Variants in RGS7 observed in about 807,000 individuals in gnomAD.
The protein encoded by RGS7 is regulator of G-protein signaling 7.
In RGS7, 27 loss-of-function variants were observed where a neutral mutation model predicts 81.1. The observed-to-expected ratio is 0.33, with a 90% confidence interval of 0.25 to 0.46. RGS7 has a LOEUF of 0.46. RGS7 is among the 20% of genes least tolerant of loss of function. The pLI, the probability that RGS7 is intolerant of heterozygous loss-of-function variation, is 1.00. For synonymous variants in RGS7, 208 were observed against 207.7 expected, an observed-to-expected ratio of 1.00 and a Z score of -0.01; for missense variants, 396 against 607.4, an observed-to-expected ratio of 0.65 and a Z score of 3.66.
At chr1:241,141,327 G>C (rs2067904927) in intron 2 of RGS7, among the ~76,000 whole-genome samples, 2 of 152,138 alleles carry the variant, frequency 1.3e-5, no homozygotes, top group African/African-American at 4.8e-5. Flanking sequence ...CAAGGAGCTG[G>C]GAATCCCCAC....
intron 2 of RGS7, among the ~76,000 whole-genome samples, chr1:241,114,170 C>G (rs559375765): frequency 6.6e-6 from 1 of 152,116 alleles, no homozygotes; most frequent in Non-Finnish European, 1.5e-5. Flanking sequence ...CCAAAATGGT[C>G]AAGACTCAGG....
At chr1:241,106,994 G>A (rs1340774310) in intron 2 of RGS7, among the ~76,000 whole-genome samples, 1 of 151,816 alleles carries the variant, frequency 6.6e-6, no homozygotes, top group African/African-American at 2.4e-5. Flanking sequence ...TATGCTCACT[G>A]TGTTTGTTGG....
intron 2 of RGS7, among the ~76,000 whole-genome samples, chr1:241,111,618 T>TAA (rs57588171): frequency 0.14 from 21,212 of 146,702 alleles, 1,818 homozygotes; most frequent in African/African-American, 0.24. Context: ...TCTCTACAAG[T>TAA]AAAAAAAAAA....
chr1:240,943,603 G>A (rs1353918386), intron 4 of RGS7, among the ~76,000 whole-genome samples: 29 of 152,066 alleles, frequency 1.9e-4, no homozygotes, highest in Admixed American at 1.7e-3. Context: ...TATTTTAAAC[G>A]CCCCAGGTGA....
chr1:240,977,643 C>T (rs1416104878), intron 4 of RGS7, among the ~76,000 whole-genome samples: 1 of 152,330 alleles, frequency 6.6e-6, no homozygotes, highest in African/African-American at 2.4e-5. Context: ...CAGATTGCAA[C>T]ATTCTCCTGA....
rs78538323 is a variant in RGS7 at position 241,295,593 on chromosome 1, G to A, written c.78+60106C>T. ...AAAACACAGGCCACGTCCTAAAGGC[G>A]TTGGAGAACTGGGATGTGTGAGAGC... On this transcript the variant is annotated intron_variant, in intron 2 of 18. Transcript: ENST00000440928. Among the ~76,000 whole-genome samples the A allele has an allele frequency of 4.5e-3, 684 of 152,346 alleles. 7 individuals are homozygous for A. The highest frequency in any genetic ancestry group is 0.015 in the African/African-American group (642 of 41,584).
intron 2 of RGS7, among the ~76,000 whole-genome samples, chr1:241,105,187 T>C (rs1317379999): frequency 1.3e-5 from 2 of 152,216 alleles, no homozygotes; most frequent in African/African-American, 4.8e-5. Context: ...CTCTATCTAA[T>C]GCAGAGATAC....
intron 9 of RGS7, among the ~76,000 whole-genome samples, chr1:240,850,004 T>G (rs932072255): frequency 2.0e-5 from 3 of 152,188 alleles, no homozygotes; most frequent in Non-Finnish European, 4.4e-5. Flanking sequence ...AGAGTATGGG[T>G]CCTGGGACCA....
At chr1:241,284,754 C>A (rs2078703215) in intron 2 of RGS7, among the ~76,000 whole-genome samples, 1 of 152,242 alleles carries the variant, frequency 6.6e-6, no homozygotes, top group African/African-American at 2.4e-5. Context: ...AGTCTAGCCT[C>A]CCCACTCAGC....
chr1:240,954,378 A>G (rs1296883095), intron 4 of RGS7, among the ~76,000 whole-genome samples: 1 of 152,178 alleles, frequency 6.6e-6, no homozygotes, highest in Non-Finnish European at 1.5e-5. Context: ...TTAACAGTTA[A>G]TAAAAAGAAT....
At chr1:241,120,959 C>A (rs1458657045) in intron 2 of RGS7, among the ~76,000 whole-genome samples, 1 of 152,104 alleles carries the variant, frequency 6.6e-6, no homozygotes, top group African/African-American at 2.4e-5. Context: ...AGACTCAAGG[C>A]GAGGACACCG....
intron 3 of RGS7, among the ~76,000 whole-genome samples, chr1:241,073,308 T>C (rs2062590449): frequency 6.6e-6 from 1 of 152,178 alleles, no homozygotes; most frequent in South Asian, 2.1e-4. Flanking sequence ...CTAACTCTAC[T>C]GGCCAGTTTT....
At chr1:240,992,120 A>T (rs1263490501) in intron 3 of RGS7, among the ~76,000 whole-genome samples, 1 of 152,216 alleles carries the variant, frequency 6.6e-6, no homozygotes, top group Admixed American at 6.5e-5. Flanking sequence ...GATGAGGCAG[A>T]AGGTACAAGT....
intron 2 of RGS7, among the ~76,000 whole-genome samples, chr1:241,302,246 T>G (rs1178287321): frequency 6.6e-6 from 1 of 152,054 alleles, no homozygotes; most frequent in African/African-American, 2.4e-5. Flanking sequence ...GCTGCAGGCA[T>G]CTTAAAACTT....
intron 2 of RGS7, among the ~76,000 whole-genome samples, chr1:241,320,407 T>C (rs993080860): frequency 6.6e-6 from 1 of 152,216 alleles, no homozygotes; most frequent in Admixed American, 6.5e-5. Context: ...TGGAAAGTGA[T>C]TTAACAAAGC....
chr1:240,995,254 A>C (rs1190033369), intron 3 of RGS7, among the ~76,000 whole-genome samples: 1 of 152,142 alleles, frequency 6.6e-6, no homozygotes, highest in African/African-American at 2.4e-5. Context: ...ATATTTTGCT[A>C]AGGAGTTTTA....
intron 4 of RGS7, among the ~76,000 whole-genome samples, chr1:240,955,647 A>G (rs1260362546): frequency 6.6e-6 from 1 of 152,076 alleles, no homozygotes; most frequent in Non-Finnish European, 1.5e-5. Flanking sequence ...CAAGACAGTG[A>G]GTACTGGAAA....
At chr1:241,207,248 T>TCTCTCTCTCTCTCTCTCTCTC (rs1558189270) in intron 2 of RGS7, among the ~76,000 whole-genome samples, 2 of 149,798 alleles carry the variant, frequency 1.3e-5, no homozygotes, top group African/African-American at 4.9e-5. Context: ...GTTTCTTTCT[T>TCTCTCTCTCTCTCTCTCTCTC]TCTCTCTCTC....
chr1:241,281,623 TCAAA>T (rs2078517625), intron 2 of RGS7, among the ~76,000 whole-genome samples: 2 of 152,346 alleles, frequency 1.3e-5, no homozygotes, highest in South Asian at 2.1e-4. Context: ...GCCAACCATT[TCAAA>T]CAGACAATTC....
Sources: gnomAD v4.1 joint callset for allele counts (sites outside exome capture counted in the v4.1 genomes callset) on GRCh38, gnomAD v4.1.1 for gene constraint, MANE v1.5 for transcripts, NCBI Gene and HGNC (gene_info 2026-07-23, HGNC 2026-07-21) for gene names.